Variants in COL4A3 observed in about 807,000 individuals in gnomAD.
COL4A3 encodes the protein collagen type IV alpha 3 chain.
A neutral mutation model predicts 217.4 loss-of-function variants in COL4A3; 135 were observed. The observed-to-expected ratio is 0.62, with a 90% CI of 0.54 to 0.72. The LOEUF (loss-of-function observed/expected upper bound fraction) is 0.72, where lower values mean the gene tolerates loss of function less well. COL4A3 is among the 30% of genes least tolerant of loss of function. The pLI is 0.00. For missense variants in COL4A3, 1,868 were observed against 2,119.9 expected, an observed-to-expected ratio of 0.88 and a Z score of 2.33; for synonymous variants, 690 against 736.3, an observed-to-expected ratio of 0.94 and a Z score of 1.02.
chr2:227,219,252 C>T (rs144477277), intron 1 of COL4A3, among the ~76,000 whole-genome samples: 9 of 152,280 alleles, frequency 5.9e-5, no homozygotes, highest in South Asian at 2.1e-4. Context: ...CTGCCATCCT[C>T]GGCCTCCCAA....
chr2:227,197,701 T>C, intron 1 of COL4A3, among the ~76,000 whole-genome samples: 1 of 152,134 alleles, frequency 6.6e-6, no homozygotes, highest in Non-Finnish European at 1.5e-5. Context: ...TCACAACACA[T>C]ACACACCTAT....
At chr2:227,172,450 G>C (rs1195357777) in intron 1 of COL4A3, among the ~76,000 whole-genome samples, 1 of 152,112 alleles carries the variant, frequency 6.6e-6, no homozygotes, top group Non-Finnish European at 1.5e-5. Flanking sequence ...TTCGGCGGGG[G>C]TGGTTGGGGA....
At chr2:227,279,734 G>T (rs552435367) in intron 28 of COL4A3, 59 bp from the exon 29 acceptor site, 1 of 1,217,368 alleles carries the variant, frequency 8.2e-7, no homozygotes, top group East Asian at 2.5e-5. Context: ...GAGAGTTACT[G>T]CTCAGAATAT....
At position 227,283,856 on chromosome 2, in the gene COL4A3, G is replaced by A. The variant is rs2072144661; in HGVS notation, c.2746G>A (p.Gly916Arg). 1 of 1,611,250 alleles carries A rather than the reference G, an allele frequency of 6.2e-7. No individual in the cohort carries two copies. Among genetic ancestry groups the A allele is most frequent in the South Asian group, 1.1e-5 (1 of 91,028 alleles). ...GAACCCAGGCACACCAGGGCAGAGG[G>A]GTAAGTGATAGAGTGTCTTTCTAAA... Reference protein sequence around the residue: ...PGNPGTPGQRGSPGIPGVKGQ... With the variant: ...PGNPGTPGQRRSPGIPGVKGQ... The change falls in exon 33 of 52, where the codon GGG becomes AGG. Residue 916 changes from glycine (G) to arginine (R), a missense_variant and splice_region_variant. By Grantham distance (125) the Gly-to-Arg change is moderately radical (BLOSUM62 -2). Coordinates refer to ENST00000396578, the MANE Select transcript of COL4A3 (RefSeq NM_000091.5).
chr2:227,259,657 T>A, intron 18 of COL4A3, 136 bp from the exon 19 acceptor site: 1 of 685,676 alleles, frequency 1.5e-6, no homozygotes, highest in Non-Finnish European at 2.6e-6. Context: ...ATATACCTGC[T>A]AACATGTAAA....
At chr2:227,208,925 T>C (rs1445483824) in intron 1 of COL4A3, among the ~76,000 whole-genome samples, 2 of 152,184 alleles carry the variant, frequency 1.3e-5, no homozygotes, top group African/African-American at 4.8e-5. Flanking sequence ...AAAATTTTCC[T>C]AAAGTTTTCA....
At chr2:227,167,253 A>T (rs1559788281) in intron 1 of COL4A3, among the ~76,000 whole-genome samples, 1 of 152,268 alleles carries the variant, frequency 6.6e-6, no homozygotes, top group African/African-American at 2.4e-5. Context: ...TTCTCAAAAC[A>T]GGGAAATAGC....
intron 1 of COL4A3, among the ~76,000 whole-genome samples, chr2:227,235,466 G>C (rs1393176168): frequency 6.6e-6 from 1 of 152,104 alleles, no homozygotes; most frequent in African/African-American, 2.4e-5. Context: ...TATTTCAATA[G>C]GTTATTGGGG....
intron 1 of COL4A3, among the ~76,000 whole-genome samples, chr2:227,215,433 G>A (rs900079630): frequency 3.3e-5 from 5 of 151,794 alleles, no homozygotes; most frequent in Admixed American, 1.3e-4. Context: ...AACCACCTCC[G>A]TATGTGCTTG....
intron 28 of COL4A3, chr2:227,279,475 C>T (rs2071804955): frequency 3.8e-6 from 1 of 263,844 alleles, no homozygotes; most frequent in Non-Finnish European, 7.2e-6. Context: ...ATATAAAAAT[C>T]CACTTACCTG....
chr2:227,233,409 A>G (rs1466760087), intron 1 of COL4A3, among the ~76,000 whole-genome samples: 1 of 152,148 alleles, frequency 6.6e-6, no homozygotes, highest in African/African-American at 2.4e-5. Context: ...GATGCCACTG[A>G]ACTCTAAACA....
chr2:227,257,815 G>A lies in COL4A3; in HGVS notation c.1029+171G>A, dbSNP rs187905114. Among the ~76,000 whole-genome samples the A allele has an allele frequency of 5.4e-3, 826 of 152,268 alleles. 7 individuals are homozygous for A. The highest frequency in any genetic ancestry group is 0.019 in the African/African-American group (799 of 41,546). Reference sequence around the variant, plus strand: ...GGTCACTATGTGTCCCTTTGACCACGGGTAAATATTTCTATTTGGTCCCTG... The same window carrying A: ...GGTCACTATGTGTCCCTTTGACCACAGGTAAATATTTCTATTTGGTCCCTG... On this transcript the variant is annotated intron_variant, in intron 18 of 51. Coordinates refer to ENST00000396578, the MANE Select transcript of COL4A3 (RefSeq NM_000091.5).
At chr2:227,272,279 G>C (rs2071288437) in intron 25 of COL4A3, among the ~76,000 whole-genome samples, 1 of 152,122 alleles carries the variant, frequency 6.6e-6, no homozygotes, top group African/African-American at 2.4e-5. Context: ...AAGTAAATGA[G>C]AGAAAAATCA....
At chr2:227,196,363 G>A (rs1033489953) in intron 1 of COL4A3, among the ~76,000 whole-genome samples, 5 of 151,674 alleles carry the variant, frequency 3.3e-5, no homozygotes, top group African/African-American at 1.2e-4. Flanking sequence ...TGTCGCCCAG[G>A]CTGGAGTGCA....
chr2:227,183,204 C>G (rs1171721677), intron 1 of COL4A3, among the ~76,000 whole-genome samples: 1 of 152,152 alleles, frequency 6.6e-6, no homozygotes, highest in Non-Finnish European at 1.5e-5. Flanking sequence ...GTTCCTCACT[C>G]TATAAGCAAA....
intron 41 of COL4A3, 49 bp from the exon 42 acceptor site, chr2:227,297,625 C>G: frequency 6.4e-7 from 1 of 1,554,148 alleles, no homozygotes; most frequent in Non-Finnish European, 8.7e-7. Flanking sequence ...AGAACTCTAA[C>G]CCAAGCATAT....
In COL4A3 at chr2:227,246,720, G is replaced by A. The variant is rs559126084; in HGVS notation, c.423G>A (p.Leu141=). ...EQGFPGLPGT[L]GYPGIPGAAG... ...GGTTTCCAGGACTCCCAGGGACACTGGGCTACCCAGGGATCCCGGTAGGTT... is the reference window on the plus strand; with the variant it reads ...GGTTTCCAGGACTCCCAGGGACACTAGGCTACCCAGGGATCCCGGTAGGTT... The change falls in exon 7 of 52, where the codon CTG becomes CTA. Residue 141 remains leucine, a synonymous_variant. Coordinates refer to ENST00000396578, the MANE Select transcript of COL4A3 (RefSeq NM_000091.5). 235 of 1,612,190 alleles carry A rather than the reference G, an allele frequency of 1.5e-4. 3 individuals carry two copies. In the South Asian group the frequency reaches 2.3e-3, roughly 16 times the overall value.
intron 47 of COL4A3, among the ~76,000 whole-genome samples, chr2:227,307,150 C>T (rs145213621): frequency 6.6e-6 from 1 of 151,760 alleles, no homozygotes; most frequent in Non-Finnish European, 1.5e-5. Context: ...ATAAACTAAC[C>T]CTTATTACAG....
intron 3 of COL4A3, among the ~76,000 whole-genome samples, chr2:227,242,873 C>T (rs1193455326): frequency 7.2e-5 from 11 of 152,164 alleles, no homozygotes; most frequent in Non-Finnish European, 2.9e-5. Context: ...CTGCCATTTC[C>T]CTGTCTACCA....
Sources: gnomAD v4.1 joint callset for allele counts (sites outside exome capture counted in the v4.1 genomes callset) on GRCh38, gnomAD v4.1.1 for gene constraint, MANE v1.5 for transcripts, NCBI Gene and HGNC (gene_info 2026-07-23, HGNC 2026-07-21) for gene names.